Variants in FAM76B observed in about 807,000 individuals in gnomAD.
FAM76B encodes protein FAM76B.
FAM76B carries 16 observed loss-of-function variants against 51.8 expected under a neutral mutation model. That is an observed-to-expected ratio of 0.31 (90% CI 0.21 to 0.47). The LOEUF is 0.47. Ranked by LOEUF, FAM76B falls within the 20% of genes least tolerant of loss-of-function variation. The probability of loss-of-function intolerance (pLI) is 1.00; values close to 1 mark genes in which losing one functional copy is unlikely to be tolerated. For missense variants in FAM76B, 342 were observed against 392.6 expected, an observed-to-expected ratio of 0.87 and a Z score of 1.09; for synonymous variants, 166 against 129.5, an observed-to-expected ratio of 1.28 and a Z score of -1.91.
chr11:95,780,784 T>C (rs1035392627), intron 5 of FAM76B, among the ~76,000 whole-genome samples: 6 of 152,014 alleles, frequency 3.9e-5, no homozygotes, highest in Admixed American at 2.6e-4. Context: ...TTCCCTCATA[T>C]GTAATACATA....
chr11:95,782,936 C>T, intron 5 of FAM76B, 129 bp downstream of exon 5: 1 of 1,175,628 alleles, frequency 8.5e-7, no homozygotes, highest in East Asian at 2.4e-5. Flanking sequence ...GCCTTAGACA[C>T]TCAAGATGCT....
chr11:95,787,721 T>A, intron 2 of FAM76B, 43 bp from the exon 3 acceptor site: 1 of 1,472,670 alleles, frequency 6.8e-7, no homozygotes, highest in Non-Finnish European at 9.4e-7. Flanking sequence ...TGTAGCTTTC[T>A]AAAGTAATTA....
intron 5 of FAM76B, among the ~76,000 whole-genome samples, chr11:95,782,731 C>A (rs1478347739): frequency 6.6e-6 from 1 of 151,972 alleles, no homozygotes; most frequent in Non-Finnish European, 1.5e-5. Flanking sequence ...TCAAATAAAA[C>A]CTTAACAATT....
intron 9 of FAM76B, among the ~76,000 whole-genome samples, chr11:95,772,767 G>T (rs1859826360): frequency 6.6e-6 from 1 of 150,874 alleles, no homozygotes; most frequent in African/African-American, 2.4e-5. Flanking sequence ...TCTTAAAGTG[G>T]TTTCATGAAA....
rs1475307557 is a variant in FAM76B at position 95,771,164 on chromosome 11, G to A, written c.*397C>T. ...TTAAAAGTTTTTGTATTTCTAAATT[G>A]AAAACTGTTTGTCTGAAATTAGCAT... On this transcript the variant is annotated 3_prime_UTR_variant, in exon 10 of 10. Transcript: ENST00000358780. 6.6e-6 allele frequency: 1 copy of A among 151,670 alleles called. No homozygotes were observed. The highest frequency in any genetic ancestry group is 2.4e-5 in the African/African-American group (1 of 41,288). The allele number at this position is 151,670 out of a possible 1,614,324, so 9.4% of individuals were successfully genotyped here. A position where few individuals can be genotyped will look rare whatever the true frequency, so the allele number is the denominator to read the frequency against.
Position 95,769,574 on chromosome 11 carries a change from T to G in FAM76B, c.*1987A>C, listed in dbSNP as rs1859680077. 1 of 151,984 alleles carries G rather than the reference T, an allele frequency of 6.6e-6. No individual in the cohort carries two copies. Among genetic ancestry groups the G allele is most frequent in the Non-Finnish European group, 1.5e-5 (1 of 67,752 alleles). The allele number at this position is 151,984 out of a possible 1,614,324, so 9.4% of individuals were successfully genotyped here. A position where few individuals can be genotyped will look rare whatever the true frequency, so the allele number is the denominator to read the frequency against. On this transcript the variant is annotated 3_prime_UTR_variant, in exon 10 of 10. Transcript: ENST00000358780. ...GACGAGGACAACTTTCTTTTGTAGTTTCTCCAACAAGGTGTAAGAACTATC... is the reference window on the plus strand; with the variant it reads ...GACGAGGACAACTTTCTTTTGTAGTGTCTCCAACAAGGTGTAAGAACTATC...
intron 1 of FAM76B, 87 bp downstream of exon 1, chr11:95,789,305 A>G: frequency 1.4e-6 from 2 of 1,410,800 alleles, no homozygotes; most frequent in Non-Finnish European, 1.9e-6. Flanking sequence ...GGCGCCGGCG[A>G]AGAGGGGCTG....
intron 5 of FAM76B, among the ~76,000 whole-genome samples, chr11:95,780,800 T>C (rs185523374): frequency 2.0e-5 from 3 of 152,182 alleles, no homozygotes; most frequent in East Asian, 1.9e-4. Flanking sequence ...ACATACCTTA[T>C]ACTGATATGA....
At position 95,771,632 on chromosome 11, in the gene FAM76B, G is replaced by A. The variant is rs558150856; in HGVS notation, c.949C>T (p.Leu317Phe). ...EQLQAKNRELLKQVAALSKGK... is the reference protein window; with the variant it reads ...EQLQAKNRELFKQVAALSKGK... ...TTTGATAATGCTGCGACCTGTTTGA[G>A]TAGTTCTCTGTTTTTGGCCTGTGGG... Residue 317 changes from leucine to phenylalanine, a missense_variant, in exon 10 of 10, where the codon CTC becomes TTC. Physicochemically the swap from Leu to Phe is conservative, Grantham distance 22 (BLOSUM62 0). This residue lies in a region of FAM76B where 230 missense variants were observed against 257.4 expected (regional missense o/e 0.89). Transcript: ENST00000358780. 1.9e-6 allele frequency: 3 copies of A among 1,606,340 alleles called. No homozygotes were observed. The highest frequency in any genetic ancestry group is 2.7e-5 in the African/African-American group (2 of 74,458).
intron 7 of FAM76B, 180 bp downstream of exon 7, chr11:95,779,427 A>T (rs1860153786): frequency 1.6e-6 from 1 of 609,566 alleles, no homozygotes; most frequent in Non-Finnish European, 2.7e-6. Context: ...GTTCAGTGCC[A>T]CTTTCTTATT....
chr11:95,779,685 T>C lies in FAM76B; in HGVS notation c.614A>G (p.His205Arg), dbSNP rs1860168967. Residue 205 changes from histidine to arginine, a missense_variant and splice_region_variant, in exon 7 of 10, where the codon CAT (histidine) becomes CGT (arginine). His to Arg is a conservative substitution (Grantham distance 29). Transcript: ENST00000358780. ...ATTCTGAATTGTTGCAGAGGATTTA[T>C]GGCTGAAACCAAACATTAATAAGAA... ...EEEQGLWKQS[H>R]KSSATIQNET... is the part of the protein sequence containing the mutation. 11 of 1,608,602 alleles carry C rather than the reference T, an allele frequency of 6.8e-6. No individual in the cohort carries two copies. Among genetic ancestry groups the C allele is most frequent in the Non-Finnish European group, 9.3e-6 (11 of 1,177,604 alleles).
chr11:95,788,832 A>C (rs1860771362), intron 1 of FAM76B: 1 of 1,439,240 alleles, frequency 6.9e-7, no homozygotes, highest in Non-Finnish European at 9.2e-7. Flanking sequence ...GGATTGGTTA[A>C]ATGTGAAACT....
chr11:95,778,337 C>T (rs1860100992), intron 8 of FAM76B, among the ~76,000 whole-genome samples: 1 of 151,426 alleles, frequency 6.6e-6, no homozygotes, highest in Non-Finnish European at 1.5e-5. Context: ...ACACAATGAG[C>T]TTTTAGACAT....
At chr11:95,787,705 T>C (rs754804464) in intron 2 of FAM76B, 27 bp from the exon 3 acceptor site, 7 of 1,553,532 alleles carry the variant, frequency 4.5e-6, no homozygotes, top group South Asian at 3.4e-5. Flanking sequence ...ATATAGATCA[T>C]GTTTATGTAG....
At chr11:95,776,331 G>C (rs979065780) in intron 8 of FAM76B, among the ~76,000 whole-genome samples, 1 of 151,232 alleles carries the variant, frequency 6.6e-6, no homozygotes, top group Non-Finnish European at 1.5e-5. Context: ...AAAGCTTAAC[G>C]GCTAATAACT....
chr11:95,780,263 T>G (rs1332406631), intron 5 of FAM76B, among the ~76,000 whole-genome samples: 1 of 151,904 alleles, frequency 6.6e-6, no homozygotes, highest in Non-Finnish European at 1.5e-5. Context: ...CCCTTACTAT[T>G]TCAGACACAA....
intron 2 of FAM76B, 38 bp downstream of exon 2, chr11:95,788,461 C>T: frequency 6.9e-7 from 1 of 1,452,506 alleles, no homozygotes. Flanking sequence ...AAAGACAACA[C>T]TTGTCTTTAA....
chr11:95,788,522 G>A lies in FAM76B; in HGVS notation c.129C>T (p.Cys43=), dbSNP rs1367595240. ...ACCTCTCTTGTTGAAATTCTGATCT[G>A]CAGTAAGTACATTTTACAATAGGAT... The part of the protein sequence containing the change: ...IAHPIVKCTY[C]RSEFQQESKT... Residue 43 remains cysteine (C), a synonymous_variant, in exon 2 of 10, where the codon TGC becomes TGT. Coordinates refer to ENST00000358780, the MANE Select transcript of FAM76B (RefSeq NM_144664.5). 1.2e-6 allele frequency: 2 copies of A among 1,612,524 alleles called. No individual in the cohort carries two copies. Among genetic ancestry groups the A allele is most frequent in the Non-Finnish European group, 8.5e-7 (1 of 1,179,374 alleles).
In FAM76B at chr11:95,779,919, T is replaced by G. The variant is rs1860183646; in HGVS notation, c.571A>C (p.Asn191His). ...CCCTGCTCTTCTTCTGGACTTAGAT[T>G]GCTGATTCTGAAAAATACACAAATG... ...RHSSSHHKIS[N>H]LSPEEEQGLW... Residue 191 changes from asparagine (N) to histidine (H), a missense_variant, in exon 6 of 10, where the codon AAT (asparagine) becomes CAT (histidine). Transcript: ENST00000358780. The G allele has an allele frequency of 6.2e-7, 1 of 1,604,280 alleles. No homozygotes were observed. Among genetic ancestry groups the G allele is most frequent in the Non-Finnish European group, 8.5e-7 (1 of 1,175,996 alleles).
Sources: allele counts gnomAD v4.1 joint callset (sites outside exome capture counted in the v4.1 genomes callset), GRCh38; gene constraint gnomAD v4.1.1; regional missense constraint gnomAD v4.1.1; transcripts MANE v1.5; gene names NCBI Gene and HGNC (gene_info 2026-07-23, HGNC 2026-07-21).